Variants in TC2N observed in about 807,000 individuals in gnomAD.
The protein encoded by TC2N is tandem C2 domains, nuclear.
A neutral mutation model predicts 61.9 loss-of-function variants in TC2N; 51 were observed. The ratio of observed to expected loss-of-function variants is 0.82; its 90% CI spans 0.66 to 1.04. The LOEUF (loss-of-function observed/expected upper bound fraction) is 1.04, where lower values mean the gene tolerates loss of function less well. Among genes scored for constraint, TC2N ranks in the 50% least tolerant of loss-of-function variants. The pLI is 0.00. For synonymous variants in TC2N, 204 were observed against 192.6 expected (o/e 1.06, Z -0.49); for missense variants, 556 against 566.7 (o/e 0.98, Z 0.19).
chr14:91,831,391 C>A (rs1380157074), intron 1 of TC2N, among the ~76,000 whole-genome samples: 1 of 152,068 alleles, frequency 6.6e-6, no homozygotes, highest in Non-Finnish European at 1.5e-5. Flanking sequence ...CATTTTATTA[C>A]TTTTTAAAAA....
intron 1 of TC2N, among the ~76,000 whole-genome samples, chr14:91,831,656 T>A (rs1234820515): frequency 6.6e-6 from 1 of 152,092 alleles, no homozygotes; most frequent in South Asian, 2.1e-4. Flanking sequence ...AAAAACTGAT[T>A]AGCCATATGG....
intron 4 of TC2N, among the ~76,000 whole-genome samples, chr14:91,801,484 T>C (rs1261677986): frequency 6.6e-6 from 1 of 152,078 alleles, no homozygotes; most frequent in East Asian, 1.9e-4. Context: ...CAAAACCCCA[T>C]CTCTACAAAA....
At chr14:91,784,544 C>T (rs1389262366) in intron 11 of TC2N, among the ~76,000 whole-genome samples, 1 of 151,900 alleles carries the variant, frequency 6.6e-6, no homozygotes, top group Non-Finnish European at 1.5e-5. Context: ...TTCAAACAAT[C>T]GTAATTAAGG....
intron 3 of TC2N, among the ~76,000 whole-genome samples, chr14:91,806,727 C>T (rs1886524092): frequency 6.6e-6 from 1 of 151,936 alleles, no homozygotes; most frequent in African/African-American, 2.4e-5. Flanking sequence ...AATTTGCAGA[C>T]TGTCAATGCA....
At chr14:91,812,103 A>G (rs967041242) in intron 3 of TC2N, 28 of 291,534 alleles carry the variant, frequency 9.6e-5, no homozygotes, top group Middle Eastern at 1.0e-3. Flanking sequence ...AAAAAGGCCA[A>G]TTCTACATAC....
intron 1 of TC2N, among the ~76,000 whole-genome samples, chr14:91,824,055 C>G (rs1003802717): frequency 6.6e-6 from 1 of 152,180 alleles, no homozygotes; most frequent in Admixed American, 6.5e-5. Context: ...ATCCCACTTA[C>G]AACAGATCTG....
rs1885199046 is a variant in TC2N at position 91,783,068 on chromosome 14, C to G, written c.*32G>C. 7.4e-7 allele frequency: 1 copy of G among 1,350,124 alleles called. No homozygotes were observed. Among genetic ancestry groups the G allele is most frequent in the Non-Finnish European group, 1.1e-6 (1 of 946,356 alleles). The allele number at this position is 1,350,124 out of a possible 1,614,324, so 83.6% of individuals were successfully genotyped here. Reference sequence around the variant, plus strand: ...AATCATAAGTCTTCTAAAAGAATGTCAAGTTCTTCACCAAATTAATGTGTG... The same window carrying G: ...AATCATAAGTCTTCTAAAAGAATGTGAAGTTCTTCACCAAATTAATGTGTG... On this transcript the variant is annotated 3_prime_UTR_variant, in exon 12 of 12. Coordinates refer to ENST00000435962, the MANE Select transcript of TC2N (RefSeq NM_001128596.3).
intron 1 of TC2N, among the ~76,000 whole-genome samples, chr14:91,851,280 G>T (rs1053629919): frequency 1.3e-5 from 2 of 152,086 alleles, no homozygotes; most frequent in African/African-American, 2.4e-5. Context: ...AATAATACAG[G>T]GTGTGTATAA....
rs1566773723 is a variant in TC2N at position 91,812,211 on chromosome 14, A to T, written c.301+101T>A. ...AAGAGCAAAATATAAAAAGTAAAAT[A>T]AAAAAATTTTATATGAATTTTGTAT... On this transcript the variant is annotated intron_variant, in intron 3 of 11. Transcript: ENST00000435962. The T allele has an allele frequency of 1.3e-5, 8 of 602,464 alleles. No individual in the cohort carries two copies. In the South Asian group the frequency reaches 2.6e-4, roughly 19 times the overall value. 37.3% of individuals were successfully genotyped at this position (602,464 alleles called of 1,614,324 possible).
At chr14:91,864,508 T>C (rs1888656371) in intron 1 of TC2N, among the ~76,000 whole-genome samples, 1 of 152,228 alleles carries the variant, frequency 6.6e-6, no homozygotes, top group African/African-American at 2.4e-5. Context: ...GCACCTACCC[T>C]ATTTTAAAGC....
chr14:91,826,274 C>T (rs1029497614), intron 1 of TC2N, among the ~76,000 whole-genome samples: 42 of 146,544 alleles, frequency 2.9e-4, no homozygotes, highest in African/African-American at 1.0e-3. Flanking sequence ...AAGCCGTGAT[C>T]GCATCACTGC....
chr14:91,794,400 TGGA>T (rs952778098), intron 8 of TC2N, among the ~76,000 whole-genome samples: 19 of 152,172 alleles, frequency 1.2e-4, no homozygotes, highest in Admixed American at 3.3e-4. Context: ...TTCACAGTTA[TGGA>T]GGAGAAGTCA....
chr14:91,784,069 T>C (rs1405766804), intron 11 of TC2N, among the ~76,000 whole-genome samples: 1 of 152,072 alleles, frequency 6.6e-6, no homozygotes, highest in African/African-American at 2.4e-5. Context: ...CCATCATAGT[T>C]CCTCCTAAGG....
chr14:91,855,601 A>T (rs1888467445), intron 1 of TC2N, among the ~76,000 whole-genome samples: 1 of 152,232 alleles, frequency 6.6e-6, no homozygotes, highest in Non-Finnish European at 1.5e-5. Flanking sequence ...GACTAATTAC[A>T]TGTGCAAAGA....
intron 1 of TC2N, among the ~76,000 whole-genome samples, chr14:91,816,924 CAT>C: frequency 2.6e-5 from 4 of 151,904 alleles, no homozygotes; most frequent in African/African-American, 9.6e-5. Context: ...ATTCTTATAT[CAT>C]GTTATAACAT....
intron 3 of TC2N, among the ~76,000 whole-genome samples, chr14:91,802,959 C>T (rs1382967902): frequency 2.6e-5 from 4 of 151,962 alleles, no homozygotes; most frequent in Non-Finnish European, 5.9e-5. Flanking sequence ...TAACCAAAAA[C>T]TTAATCTTTA....
At chr14:91,849,173 C>CTTCCTCCA (rs1182544318) in intron 1 of TC2N, among the ~76,000 whole-genome samples, 1 of 152,184 alleles carries the variant, frequency 6.6e-6, no homozygotes, top group Admixed American at 6.5e-5. Context: ...GAGGACCACT[C>CTTCCTCCA]TTCCTCCATT....
intron 3 of TC2N, among the ~76,000 whole-genome samples, chr14:91,802,731 T>G (rs1056128295): frequency 1.3e-5 from 2 of 149,614 alleles, no homozygotes; most frequent in African/African-American, 5.1e-5. Context: ...GAACATCTTT[T>G]AAATTACAAG....
At chr14:91,817,384 C>T (rs1013432964) in intron 1 of TC2N, among the ~76,000 whole-genome samples, 2 of 151,960 alleles carry the variant, frequency 1.3e-5, no homozygotes, top group East Asian at 3.9e-4. Context: ...CCACCCAAAT[C>T]AAACGAATAG....
Sources: gnomAD v4.1 joint callset for allele counts (sites outside exome capture counted in the v4.1 genomes callset) on GRCh38, gnomAD v4.1.1 for gene constraint, MANE v1.5 for transcripts, NCBI Gene and HGNC (gene_info 2026-07-23, HGNC 2026-07-21) for gene names.